The following LRRC15 variants were observed in gnomAD, a reference collection of about 807,000 sequenced individuals.
The protein encoded by LRRC15 is leucine rich repeat containing 15, also known as leucine-rich repeat-containing protein 15.
A neutral mutation model predicts 4.3 loss-of-function variants in LRRC15; 5 were observed. The observed-to-expected ratio is 1.16, with a 90% CI of 0.61 to 2.44. LRRC15 has a LOEUF of 2.44. LRRC15 is among the 30% of genes most tolerant of loss of function. The pLI is 0.01. For missense variants in LRRC15, 769 were observed against 747.0 expected, an observed-to-expected ratio of 1.03 and a Z score of -0.34; for synonymous variants, 337 against 323.2, an observed-to-expected ratio of 1.04 and a Z score of -0.46.
rs1396332162 is a variant in LRRC15, at chr3:194,355,395, CACTGGG to C, written c.*3897_*3902del. On this transcript the variant is annotated 3_prime_UTR_variant, in exon 2 of 2. Coordinates refer to ENST00000347624, the MANE Select transcript of LRRC15 (RefSeq NM_130830.5). ...AGAAATCTGTAAATGCATCGCCAAGCACTGGGGCTGATTTGCAGTAATTCTCTAAGC... is the reference window on the plus strand; with the variant it reads ...AGAAATCTGTAAATGCATCGCCAAGCGCTGATTTGCAGTAATTCTCTAAGC... The C allele has an allele frequency of 6.6e-6, 1 of 152,244 alleles. No individual in the cohort carries two copies. Among genetic ancestry groups the C allele is most frequent in the Non-Finnish European group, 1.5e-5 (1 of 68,052 alleles). 9.4% of individuals were successfully genotyped at this position (152,244 alleles called of 1,614,324 possible).
intron 1 of LRRC15, among the ~76,000 whole-genome samples, chr3:194,369,053 G>A (rs564158289): frequency 1.3e-5 from 2 of 152,210 alleles, no homozygotes; most frequent in African/African-American, 2.4e-5. Flanking sequence ...GCCCATGTCC[G>A]AATTCCAAAT....
intron 1 of LRRC15, 86 bp from the exon 2 acceptor site, chr3:194,361,132 T>A: frequency 2.5e-6 from 3 of 1,218,724 alleles, no homozygotes; most frequent in Non-Finnish European, 3.3e-6. Flanking sequence ...CCAGTGCCAA[T>A]GCTGGCTTGG....
intron 1 of LRRC15, chr3:194,363,543 T>C (rs571289128): frequency 2.3e-6 from 1 of 428,286 alleles, no homozygotes; most frequent in Non-Finnish European, 4.3e-6. Flanking sequence ...TTAGGACTTT[T>C]TACTAACGAT....
In LRRC15 at chr3:194,359,835, G is replaced by C; in HGVS notation, c.1209C>G (p.Asn403Lys). The C allele has an allele frequency of 6.2e-7, 1 of 1,614,102 alleles. No individual in the cohort carries two copies. The change falls in exon 2 of 2, where the codon AAC (asparagine) becomes AAG (lysine). Residue 403 changes from asparagine to lysine, a missense_variant. Asn to Lys is a moderately conservative substitution (Grantham distance 94, BLOSUM62 0). Coordinates refer to ENST00000347624, the MANE Select transcript of LRRC15 (RefSeq NM_130830.5). ...AIQLQNNQLENLPLGIFDHLG... is the reference protein window; with the variant it reads ...AIQLQNNQLEKLPLGIFDHLG... ...GGTGATCGAAGATGCCGAGGGGCAA[G>C]TTCTCCAGCTGGTTGTTCTGCAGCT...
At chr3:194,363,287 G>A (rs1020429242) in intron 1 of LRRC15, 3 of 671,716 alleles carry the variant, frequency 4.5e-6, no homozygotes, top group Non-Finnish European at 8.2e-6. Flanking sequence ...GCCCTGACCT[G>A]CTATACTTTT....
At chr3:194,363,462 G>A in intron 1 of LRRC15, 1 of 628,954 alleles carries the variant, frequency 1.6e-6, no homozygotes, top group Non-Finnish European at 2.9e-6. Context: ...CCAGAACCCA[G>A]CAACAGAAAA....
rs1251610832 is a variant in LRRC15, at chr3:194,360,780, C to T, written c.264G>A (p.Glu88=). 2.5e-6 allele frequency: 4 copies of T among 1,614,108 alleles called. No individual in the cohort carries two copies. The highest frequency in any genetic ancestry group is 3.4e-6 in the Non-Finnish European group (4 of 1,180,044). ...AGGCCCCAGGCGTGATGCGCGACAG[C>T]TCATTCTTCTCAATCCTCAGGGCGA... ...ALIALRIEKN[E]LSRITPGAFR... is the part of the protein sequence containing the mutation. The change falls in exon 2 of 2, where the codon GAG becomes GAA. Residue 88 remains glutamate, a synonymous_variant. Coordinates refer to ENST00000347624, the MANE Select transcript of LRRC15 (RefSeq NM_130830.5).
chr3:194,366,878 C>G (rs1395712543), intron 1 of LRRC15, among the ~76,000 whole-genome samples: 3 of 152,144 alleles, frequency 2.0e-5, no homozygotes, highest in Admixed American at 6.5e-5. Flanking sequence ...GTTGGGGACT[C>G]CTGACACCCG....
rs752375422 is a variant in LRRC15, at chr3:194,359,945, G to A, written c.1099C>T (p.Leu367=). The A allele has an allele frequency of 2.5e-6, 4 of 1,614,210 alleles. No homozygotes were observed. The part of the protein sequence containing the change: ...DGNVFRMLAN[L]QNISLQNNRL... ...TTGTTCTGCAGGGAGATGTTCTGCA[G>A]GTTGGCCAACATGCGGAAGACGTTC... The change falls in exon 2 of 2, where the codon CTG becomes TTG. Residue 367 remains leucine, a synonymous_variant. Transcript: ENST00000347624.
chr3:194,368,357 G>A (rs1315834183), intron 1 of LRRC15, among the ~76,000 whole-genome samples: 1 of 152,064 alleles, frequency 6.6e-6, no homozygotes. Context: ...GTGTTCCCTA[G>A]CCCTGGGAAG....
intron 1 of LRRC15, among the ~76,000 whole-genome samples, chr3:194,365,407 G>A (rs1713748807): frequency 6.6e-6 from 1 of 152,114 alleles, no homozygotes; most frequent in Non-Finnish European, 1.5e-5. Flanking sequence ...GGACGTTTTT[G>A]GTTTAATACC....
intron 1 of LRRC15, among the ~76,000 whole-genome samples, chr3:194,363,811 A>C (rs183766042): frequency 3.6e-4 from 55 of 152,336 alleles, no homozygotes; most frequent in African/African-American, 5.8e-4. Context: ...GAACTGTGTC[A>C]GCACCCTAAG....
chr3:194,355,584 C>T lies in LRRC15; in HGVS notation c.*3714G>A, dbSNP rs1330548501. 3 of 152,256 alleles carry T rather than the reference C, an allele frequency of 2.0e-5. No individual in the cohort carries two copies. The highest frequency in any genetic ancestry group is 2.9e-5 in the Non-Finnish European group (2 of 68,064). 9.4% of individuals were successfully genotyped at this position (152,256 alleles called of 1,614,324 possible). ...TGAACCACAGCCATGGCTTCCTTCCCAAGGCCACTGCTGGCTTCCCAACAA... is the reference window on the plus strand; with the variant it reads ...TGAACCACAGCCATGGCTTCCTTCCTAAGGCCACTGCTGGCTTCCCAACAA... On this transcript the variant is annotated 3_prime_UTR_variant, in exon 2 of 2. Transcript: ENST00000347624.
chr3:194,367,770 G>C (rs10933666), intron 1 of LRRC15, among the ~76,000 whole-genome samples: 114,814 of 152,224 alleles, frequency 0.75, 43,579 homozygotes, highest in East Asian at 0.94. Flanking sequence ...CACCCTCACC[G>C]TCCACCTTGA....
At position 194,363,330 on chromosome 3, in the gene LRRC15, T is replaced by C. The variant is rs116715012; in HGVS notation, c.-3-2284A>G. 5.1e-4 allele frequency: 365 copies of C among 710,374 alleles called. 1 individual carries two copies. In the African/African-American group the frequency reaches 5.9e-3, roughly 11 times the overall value. The allele number at this position is 710,374 out of a possible 1,614,324, so 44.0% of individuals were successfully genotyped here. On this transcript the variant is annotated intron_variant, in intron 1 of 1. Transcript: ENST00000347624. ...GAACTTGACTAAGCATATAGAACAA[T>C]GGAAACAAGAAAGGAAAAAGAATAC...
rs1457902561 is a variant in LRRC15, at chr3:194,360,223, A to T, written c.821T>A (p.Leu274His). Residue 274 changes from leucine (L) to histidine (H), a missense_variant, in exon 2 of 2, where the codon CTT becomes CAT. By Grantham distance (99) the Leu-to-His change is moderately conservative (BLOSUM62 -3). Coordinates refer to ENST00000347624, the MANE Select transcript of LRRC15 (RefSeq NM_130830.5). Reference protein sequence around the residue: ...VFMQLPQLNRLTLFGNSLKEL... With the variant: ...VFMQLPQLNRHTLFGNSLKEL... ...CTTCAGGGAATTCCCAAAGAGAGTA[A>T]GACGGTTGAGCTGGGGCAGCTGCAT... The T allele has an allele frequency of 1.2e-6, 2 of 1,613,684 alleles. No individual in the cohort carries two copies. Among genetic ancestry groups the T allele is most frequent in the African/African-American group, 2.7e-5 (2 of 74,930 alleles).
At chr3:194,366,966 C>T (rs911554968) in intron 1 of LRRC15, among the ~76,000 whole-genome samples, 2 of 152,074 alleles carry the variant, frequency 1.3e-5, no homozygotes, top group Non-Finnish European at 2.9e-5. Context: ...AACCACACGC[C>T]TGGCAGGGCC....
chr3:194,356,067 A>G lies in LRRC15; in HGVS notation c.*3231T>C, dbSNP rs753974663. 2 of 152,230 alleles carry G rather than the reference A, an allele frequency of 1.3e-5. No homozygotes were observed. The highest frequency in any genetic ancestry group is 4.8e-5 in the African/African-American group (2 of 41,454). The allele number at this position is 152,230 out of a possible 1,614,324, so 9.4% of individuals were successfully genotyped here. ...TAATGACGAAAGCCCAAGACAAGCCATGAGCTCTTGTACAAAGTTTGAAGA... is the reference window on the plus strand; with the variant it reads ...TAATGACGAAAGCCCAAGACAAGCCGTGAGCTCTTGTACAAAGTTTGAAGA... On this transcript the variant is annotated 3_prime_UTR_variant, in exon 2 of 2. Coordinates refer to ENST00000347624, the MANE Select transcript of LRRC15 (RefSeq NM_130830.5).
At position 194,360,367 on chromosome 3, in the gene LRRC15, A is replaced by AGT; in HGVS notation, c.675_676dup (p.Leu226HisfsTer57). 6.2e-7 allele frequency: 1 copy of AGT among 1,614,190 alleles called. No homozygotes were observed. On this transcript the variant is annotated frameshift_variant, in exon 2 of 2. Coordinates refer to ENST00000347624, the MANE Select transcript of LRRC15 (RefSeq NM_130830.5). LOFTEE classifies it low-confidence loss of function (END_TRUNC). ...TCCAATCTGGTTCTGCTGCAGAGCC[A>AGT]GTTCCTGCAGGTTAACAAGCCCATC...
Sources: allele counts gnomAD v4.1 joint callset (sites outside exome capture counted in the v4.1 genomes callset), GRCh38; gene constraint gnomAD v4.1.1; transcripts MANE v1.5; gene names NCBI Gene and HGNC (gene_info 2026-07-23, HGNC 2026-07-21).